Variants in ERC1 observed in about 807,000 individuals in gnomAD.
ERC1 encodes the protein ELKS/RAB6-interacting/CAST family member 1.
Under a neutral mutation model 132.0 loss-of-function variants are expected in ERC1, and 56 were observed. The ratio of observed to expected loss-of-function variants is 0.42; its 90% CI spans 0.34 to 0.53. ERC1 has a LOEUF of 0.53. ERC1 is among the 20% of genes least tolerant of loss of function. The probability of loss-of-function intolerance (pLI) is 0.03; values close to 1 mark genes in which losing one functional copy is unlikely to be tolerated. For synonymous variants in ERC1, 478 were observed against 476.1 expected, an observed-to-expected ratio of 1.00 and a Z score of -0.05; for missense variants, 1,202 against 1,349.9, an observed-to-expected ratio of 0.89 and a Z score of 1.72.
intron 8 of ERC1, among the ~76,000 whole-genome samples, chr12:1,164,664 G>A (rs905442797): frequency 6.6e-6 from 1 of 152,174 alleles, no homozygotes; most frequent in Non-Finnish European, 1.5e-5. Flanking sequence ...TTAAAGCAGG[G>A]TGGTGGTGGT....
chr12:1,142,850 A>G (rs1949976737), intron 8 of ERC1, among the ~76,000 whole-genome samples: 1 of 152,158 alleles, frequency 6.6e-6, no homozygotes, highest in Non-Finnish European at 1.5e-5. Flanking sequence ...ATCTCTTCCC[A>G]ATTTAAAAAT....
intron 14 of ERC1, among the ~76,000 whole-genome samples, chr12:1,278,665 CT>C (rs758746215): frequency 2.0e-5 from 3 of 152,158 alleles, no homozygotes; most frequent in Non-Finnish European, 4.4e-5. Flanking sequence ...CATTTCTCCA[CT>C]TTTAGTAACT....
intron 12 of ERC1, among the ~76,000 whole-genome samples, chr12:1,223,630 G>A (rs1266488412): frequency 6.6e-6 from 1 of 152,138 alleles, no homozygotes; most frequent in African/African-American, 2.4e-5. Context: ...TCCCATCTTC[G>A]TTTTTCTGTC....
At chr12:1,016,714 GATCTC>G (rs1189331118) in intron 1 of ERC1, among the ~76,000 whole-genome samples, 1 of 146,706 alleles carries the variant, frequency 6.8e-6, no homozygotes, top group African/African-American at 2.5e-5. Flanking sequence ...GTGCGATCTC[GATCTC>G]GGCTCACTGC....
intron 16 of ERC1, among the ~76,000 whole-genome samples, chr12:1,401,914 G>A (rs1447031645): frequency 6.6e-6 from 1 of 152,016 alleles, no homozygotes; most frequent in East Asian, 1.9e-4. Context: ...CAGTGCAGAA[G>A]GATAAAACAA....
chr12:1,306,116 C>T lies in ERC1; in HGVS notation c.2780+16104C>T, dbSNP rs911575819. On this transcript the variant is annotated intron_variant, in intron 15 of 18. Transcript: ENST00000360905. ...TATACTTTAAAGAAAAAAAAACCTTCGGTTCTCAGCCTGCTCATGACATCC... is the reference window on the plus strand; with the variant it reads ...TATACTTTAAAGAAAAAAAAACCTTTGGTTCTCAGCCTGCTCATGACATCC... Among the ~76,000 whole-genome samples, 3 of 152,174 alleles carry T rather than the reference C, an allele frequency of 2.0e-5. No homozygotes were observed. The East Asian group carries it at 5.8e-4, about 29-fold the overall frequency.
At chr12:1,284,704 T>A (rs927439632) in intron 14 of ERC1, among the ~76,000 whole-genome samples, 1 of 152,164 alleles carries the variant, frequency 6.6e-6, no homozygotes, top group African/African-American at 2.4e-5. Context: ...AGTGTCTTGT[T>A]CTGTTACCCA....
intron 13 of ERC1, among the ~76,000 whole-genome samples, chr12:1,252,943 G>C (rs958196933): frequency 1.3e-5 from 2 of 152,206 alleles, no homozygotes; most frequent in African/African-American, 4.8e-5. Context: ...GGCAGAATAA[G>C]CAGTGGGGTT....
chr12:1,124,483 T>A (rs534315110), intron 7 of ERC1, among the ~76,000 whole-genome samples: 8 of 152,148 alleles, frequency 5.3e-5, no homozygotes, highest in African/African-American at 1.4e-4. Context: ...TGGAACATAA[T>A]TAGAAAAAAA....
intron 15 of ERC1, among the ~76,000 whole-genome samples, chr12:1,293,610 CA>C (rs1215487862): frequency 7.0e-6 from 1 of 142,946 alleles, no homozygotes; most frequent in African/African-American, 2.6e-5. Context: ...GCCTGGGCAA[CA>C]AGAGTGAAAC....
intron 2 of ERC1, among the ~76,000 whole-genome samples, chr12:1,066,046 A>G (rs1325055367): frequency 6.6e-6 from 1 of 152,200 alleles, no homozygotes; most frequent in Non-Finnish European, 1.5e-5. Flanking sequence ...CTGGGTAAGG[A>G]GTTTTAACTT....
intron 2 of ERC1, among the ~76,000 whole-genome samples, chr12:1,078,806 T>C (rs1405011177): frequency 6.6e-6 from 1 of 151,984 alleles, no homozygotes; most frequent in African/African-American, 2.4e-5. Flanking sequence ...ATAGAAATGA[T>C]TTGTAATATG....
At chr12:1,303,638 C>T (rs1173142737) in intron 15 of ERC1, among the ~76,000 whole-genome samples, 2 of 137,884 alleles carry the variant, frequency 1.5e-5, no homozygotes, top group Non-Finnish European at 3.1e-5. Context: ...GAGTCCATCT[C>T]AAAAAAAAAA....
intron 18 of ERC1, among the ~76,000 whole-genome samples, chr12:1,471,822 A>C (rs2093867567): frequency 6.6e-6 from 1 of 152,208 alleles, no homozygotes; most frequent in South Asian, 2.1e-4. Flanking sequence ...CAGGTAGGGG[A>C]GACTTCCTCT....
At position 1,293,230 on chromosome 12, in the gene ERC1, A is replaced by G. The variant is rs567915198; in HGVS notation, c.2780+3218A>G. 2.3e-3 allele frequency among the ~76,000 whole-genome samples: 347 copies of G among 150,420 alleles called. 5 individuals are homozygous for G. The highest frequency in any genetic ancestry group is 8.1e-3 in the African/African-American group (334 of 41,032). On this transcript the variant is annotated intron_variant, in intron 15 of 18. Transcript: ENST00000360905. ...AGCACTTTGGGAGGCTGAGGCGGGC[A>G]GATCACGAGGTCAGAAGATTGAGAC... is the stretch of plus-strand genomic sequence containing the variant.
At chr12:1,150,542 A>G (rs759639076) in intron 8 of ERC1, among the ~76,000 whole-genome samples, 1 of 152,142 alleles carries the variant, frequency 6.6e-6, no homozygotes, top group African/African-American at 2.4e-5. Flanking sequence ...CAGGCTTTTT[A>G]TTTGATGAGT....
chr12:1,038,182 C>G, intron 2 of ERC1, among the ~76,000 whole-genome samples: 1 of 152,208 alleles, frequency 6.6e-6, no homozygotes, highest in East Asian at 1.9e-4. Flanking sequence ...TGCCCTAAGT[C>G]ATTGAACTCT....
intron 15 of ERC1, among the ~76,000 whole-genome samples, chr12:1,326,516 C>T (rs1442067559): frequency 2.0e-5 from 3 of 152,152 alleles, no homozygotes; most frequent in Non-Finnish European, 2.9e-5. Context: ...CCAGCTATAC[C>T]TTGTCCAGCA....
intron 13 of ERC1, among the ~76,000 whole-genome samples, chr12:1,239,049 G>A (rs1160656145): frequency 1.3e-5 from 2 of 152,022 alleles, no homozygotes; most frequent in Non-Finnish European, 2.9e-5. Flanking sequence ...AGGATACTTA[G>A]GATCTGATCT....
Sources: allele counts gnomAD v4.1 joint callset (sites outside exome capture counted in the v4.1 genomes callset), GRCh38; gene constraint gnomAD v4.1.1; transcripts MANE v1.5; gene names NCBI Gene and HGNC (gene_info 2026-07-23, HGNC 2026-07-21).